ARK2N: variants seen among roughly 807,000 people sequenced by gnomAD.
ARK2N encodes protein ARK2N.
At chr18:46,203,777 G>C in the ARK2N span, among the ~76,000 whole-genome samples, 1 of 152,022 alleles carries the variant, frequency 6.6e-6, no homozygotes, top group Admixed American at 6.6e-5. Context: ...AGTAGAGATG[G>C]GGTTTTGCCA....
chr18:46,252,138 A>C, the ARK2N span, among the ~76,000 whole-genome samples: 2 of 151,646 alleles, frequency 1.3e-5, no homozygotes, highest in African/African-American at 2.4e-5. Flanking sequence ...GGCTGCAGTG[A>C]GCCGAGATTG....
At chr18:46,177,570 A>G in the ARK2N span, among the ~76,000 whole-genome samples, 5 of 151,108 alleles carry the variant, frequency 3.3e-5, no homozygotes, top group South Asian at 2.1e-4. Flanking sequence ...TAGCTAAGAC[A>G]GGCGCCTGCC....
At chr18:46,258,817 T>C in the ARK2N span, among the ~76,000 whole-genome samples, 1 of 152,228 alleles carries the variant, frequency 6.6e-6, no homozygotes, top group African/African-American at 2.4e-5. Flanking sequence ...TTTTTTTATG[T>C]TGCGTCACAA....
At chr18:46,249,523 C>T in the ARK2N span, among the ~76,000 whole-genome samples, 4 of 152,318 alleles carry the variant, frequency 2.6e-5, no homozygotes, top group African/African-American at 9.6e-5. Context: ...TGAGCCACCA[C>T]GCCCGGCCTT....
chr18:46,182,118 A>G, the ARK2N span, among the ~76,000 whole-genome samples: 1 of 152,164 alleles, frequency 6.6e-6, no homozygotes, highest in Non-Finnish European at 1.5e-5. Flanking sequence ...ATTTAAGGAA[A>G]ACAGGATTGT....
chr18:46,220,409 C>G, the ARK2N span, among the ~76,000 whole-genome samples: 1 of 152,122 alleles, frequency 6.6e-6, no homozygotes, highest in Non-Finnish European at 1.5e-5. Flanking sequence ...GTTTTTTTCT[C>G]TGGTAGAGAT....
At chr18:46,191,040 C>T in the ARK2N span, among the ~76,000 whole-genome samples, 4 of 152,012 alleles carry the variant, frequency 2.6e-5, no homozygotes, top group South Asian at 2.1e-4. Context: ...GATATTATCT[C>T]GGCACTGTTT....
chr18:46,240,243 T>A, the ARK2N span: 1 of 1,574,120 alleles, frequency 6.4e-7, no homozygotes, highest in Non-Finnish European at 8.7e-7. Context: ...GTCCTGGAGC[T>A]GTTTTCCTTG....
At chr18:46,237,789 T>C in the ARK2N span, among the ~76,000 whole-genome samples, 108,281 of 152,102 alleles carry the variant, frequency 0.71, 38,793 homozygotes, top group Middle Eastern at 0.76. Context: ...TGTTGGAAGA[T>C]GAAGTTGGAA....
the ARK2N span, among the ~76,000 whole-genome samples, chr18:46,183,732 T>C: frequency 6.6e-6 from 1 of 152,134 alleles, no homozygotes; most frequent in Non-Finnish European, 1.5e-5. Context: ...GGTTCTTGCA[T>C]TGTCTGCATT....
chr18:46,188,329 C>G, the ARK2N span, among the ~76,000 whole-genome samples: 14 of 152,160 alleles, frequency 9.2e-5, no homozygotes, highest in African/African-American at 3.4e-4. Flanking sequence ...GCCTCCGGAG[C>G]AGCTGGAATT....
the ARK2N span, among the ~76,000 whole-genome samples, chr18:46,260,265 A>G: frequency 0.011 from 1,611 of 152,326 alleles, 38 homozygotes; most frequent in African/African-American, 0.036. Context: ...TGCCTCGAGC[A>G]TGAAATAGTA....
At chr18:46,264,786 G>A in the ARK2N span, 2 of 107,748 alleles carry the variant, frequency 1.9e-5, no homozygotes, top group South Asian at 2.8e-4. Context: ...GCTTCTTGTT[G>A]CATTAGTTCT....
At chr18:46,245,846 T>C in the ARK2N span, among the ~76,000 whole-genome samples, 1 of 152,198 alleles carries the variant, frequency 6.6e-6, no homozygotes, top group South Asian at 2.1e-4. Context: ...TTTCTGTGCT[T>C]CTTTTTCTTA....
chr18:46,251,769 T>C, the ARK2N span, among the ~76,000 whole-genome samples: 1 of 152,218 alleles, frequency 6.6e-6, no homozygotes, highest in Non-Finnish European at 1.5e-5. Flanking sequence ...ATTTTGCTTA[T>C]TTAAAGGCTA....
chr18:46,230,914 A>G, the ARK2N span, among the ~76,000 whole-genome samples: 1 of 152,208 alleles, frequency 6.6e-6, no homozygotes, highest in Non-Finnish European at 1.5e-5. Context: ...TGTGTTTTTG[A>G]TAATCTAGCT....
the ARK2N span, among the ~76,000 whole-genome samples, chr18:46,202,796 AAAAATT>A: frequency 5.3e-5 from 8 of 150,584 alleles, no homozygotes; most frequent in Admixed American, 2.0e-4. Flanking sequence ...GCAAAAAAAT[AAAAATT>A]AAAAAAAAAA....
the ARK2N span, among the ~76,000 whole-genome samples, chr18:46,177,907 AAT>A: frequency 6.6e-6 from 1 of 152,182 alleles, no homozygotes; most frequent in Non-Finnish European, 1.5e-5. Flanking sequence ...TGTTTCAAAA[AAT>A]AATAATTCAT....
At chr18:46,263,064 A>G in the ARK2N span, 1 of 1,614,190 alleles carries the variant, frequency 6.2e-7, no homozygotes, top group Non-Finnish European at 8.5e-7. Context: ...CTTCACCAGC[A>G]GAAGTTGTTG....
Sources: gnomAD v4.1 joint callset for allele counts (sites outside exome capture counted in the v4.1 genomes callset) on GRCh38, gnomAD v4.1.1 for gene constraint, MANE v1.5 for transcripts, NCBI Gene and HGNC (gene_info 2026-07-23, HGNC 2026-07-21) for gene names.